The following UBE3A variants were observed in gnomAD, a reference collection of about 807,000 sequenced individuals.
UBE3A encodes ubiquitin protein ligase E3A.
Under a neutral mutation model 83.4 loss-of-function variants are expected in UBE3A, and 6 were observed. The observed-to-expected ratio is 0.07, with a 90% CI of 0.04 to 0.14. UBE3A has a LOEUF of 0.14. Ranked by LOEUF, UBE3A falls within the 10% of genes least tolerant of loss-of-function variation. UBE3A has a pLI of 1.00. For missense variants in UBE3A, 456 were observed against 1,036.1 expected (o/e 0.44, Z 7.69); for synonymous variants, 337 against 355.4 (o/e 0.95, Z 0.58).
At chr15:25,411,128 T>C (rs964275134) in intron 2 of UBE3A, among the ~76,000 whole-genome samples, 10 of 152,338 alleles carry the variant, frequency 6.6e-5, no homozygotes, top group Middle Eastern at 3.4e-3. Flanking sequence ...GCTGGACTTA[T>C]GTCTCTGTTT....
chr15:25,429,287 G>C (rs1285230776), intron 1 of UBE3A, among the ~76,000 whole-genome samples: 1 of 152,106 alleles, frequency 6.6e-6, no homozygotes, highest in African/African-American at 2.4e-5. Context: ...AGTTGGGGTT[G>C]TTAAAAGTGA....
In UBE3A at chr15:25,350,701, T is replaced by TA. The variant is rs571234644; in HGVS notation, c.2354+3651dup. 7.1e-3 allele frequency among the ~76,000 whole-genome samples: 1,050 copies of TA among 148,834 alleles called. 7 individuals carry two copies. Among genetic ancestry groups the TA allele is most frequent in the Non-Finnish European group, 0.012 (820 of 66,890 alleles). The stretch of plus-strand genomic sequence containing the variant: ...AACAATCCAACTGTCCACCAACAGG[T>TA]AAAAAAAAAACACTTTGCGTATTCA... On this transcript the variant is annotated intron_variant, in intron 11 of 12. Coordinates refer to ENST00000648336, the MANE Select transcript of UBE3A (RefSeq NM_130839.5).
chr15:25,405,962 T>A (rs117043893), intron 3 of UBE3A, among the ~76,000 whole-genome samples: 1 of 152,184 alleles, frequency 6.6e-6, no homozygotes, highest in Non-Finnish European at 1.5e-5. Context: ...AGGCCAGCCA[T>A]GTAGTTTTGT....
At chr15:25,381,743 G>GT (rs1374402089) in intron 4 of UBE3A, among the ~76,000 whole-genome samples, 1 of 152,100 alleles carries the variant, frequency 6.6e-6, no homozygotes, top group Non-Finnish European at 1.5e-5. Flanking sequence ...GTTAAAATTT[G>GT]TAAGAGTGAG....
At chr15:25,393,696 G>C (rs1596069331) in intron 4 of UBE3A, 1 of 152,186 alleles carries the variant, frequency 6.6e-6, no homozygotes, top group East Asian at 1.9e-4. Context: ...GCCAGAAACA[G>C]TTCATCCATT....
At chr15:25,397,351 T>C (rs567475747) in intron 4 of UBE3A, among the ~76,000 whole-genome samples, 13 of 152,126 alleles carry the variant, frequency 8.5e-5, no homozygotes, top group Non-Finnish European at 1.6e-4. Context: ...TTGTGACAAA[T>C]AATCATGCCT....
chr15:25,413,663 C>T (rs2090395523), intron 1 of UBE3A, among the ~76,000 whole-genome samples: 1 of 152,120 alleles, frequency 6.6e-6, no homozygotes, highest in Non-Finnish European at 1.5e-5. Context: ...AGTACCATTT[C>T]TTTATCTTCT....
At chr15:25,424,207 G>T (rs1466827073) in intron 1 of UBE3A, among the ~76,000 whole-genome samples, 1 of 151,940 alleles carries the variant, frequency 6.6e-6, no homozygotes, top group Non-Finnish European at 1.5e-5. Flanking sequence ...CTTTTCTAAA[G>T]CTACACTGGC....
chr15:25,341,359 C>A (rs1282119967), intron 11 of UBE3A, among the ~76,000 whole-genome samples: 2 of 151,582 alleles, frequency 1.3e-5, no homozygotes, highest in African/African-American at 4.8e-5. Context: ...GCATGAGCCA[C>A]CGCGCCTGGC....
chr15:25,405,377 T>C, intron 4 of UBE3A, 84 bp downstream of exon 4: 1 of 1,459,700 alleles, frequency 6.9e-7, no homozygotes, highest in Non-Finnish European at 9.6e-7. Context: ...TAACCAGAAA[T>C]TATTTCCAAA....
chr15:25,354,154 AC>A, intron 11 of UBE3A, 198 bp downstream of exon 11: 1 of 623,034 alleles, frequency 1.6e-6, no homozygotes, highest in Non-Finnish European at 2.8e-6. Flanking sequence ...CTTATATATA[AC>A]AACACTTCAT....
chr15:25,349,631 A>G (rs761607416), intron 11 of UBE3A, among the ~76,000 whole-genome samples: 22 of 152,084 alleles, frequency 1.4e-4, no homozygotes, highest in Non-Finnish European at 1.0e-4. Flanking sequence ...CTTCTTCACA[A>G]TTTCATAGAT....
At chr15:25,400,316 C>T in intron 4 of UBE3A, among the ~76,000 whole-genome samples, 1 of 152,192 alleles carries the variant, frequency 6.6e-6, no homozygotes, top group East Asian at 1.9e-4. Context: ...TGCTCAAGTC[C>T]ATTATATAAA....
At chr15:25,414,154 T>C (rs2090468719) in intron 1 of UBE3A, among the ~76,000 whole-genome samples, 1 of 152,164 alleles carries the variant, frequency 6.6e-6, no homozygotes, top group South Asian at 2.1e-4. Flanking sequence ...GTATCTAATA[T>C]CAAACTCAAT....
At chr15:25,356,144 A>C in intron 8 of UBE3A, 88 bp from the exon 9 acceptor site, 1 of 1,483,208 alleles carries the variant, frequency 6.7e-7, no homozygotes, top group East Asian at 2.3e-5. Flanking sequence ...AAGACAACAA[A>C]AATCTTATCA....
intron 7 of UBE3A, among the ~76,000 whole-genome samples, chr15:25,360,049 G>A (rs1444347237): frequency 6.6e-6 from 1 of 152,156 alleles, no homozygotes; most frequent in East Asian, 1.9e-4. Flanking sequence ...CAGGAAAACC[G>A]TGAGTTTGAT....
chr15:25,392,868 T>C (rs993111730), intron 4 of UBE3A, among the ~76,000 whole-genome samples: 1 of 152,088 alleles, frequency 6.6e-6, no homozygotes, highest in Non-Finnish European at 1.5e-5. Context: ...AAGACCTCAA[T>C]AGCCATGATA....
At chr15:25,348,298 C>T (rs944968257) in intron 11 of UBE3A, among the ~76,000 whole-genome samples, 1 of 151,944 alleles carries the variant, frequency 6.6e-6, no homozygotes, top group African/African-American at 2.4e-5. Context: ...GAAGAACATA[C>T]CTAGAAAATA....
intron 1 of UBE3A, among the ~76,000 whole-genome samples, chr15:25,430,661 GA>G (rs1176960857): frequency 6.6e-5 from 10 of 152,004 alleles, no homozygotes; most frequent in Non-Finnish European, 1.5e-5. Flanking sequence ...GAAAGAACTA[GA>G]AAGTAGTTCA....
Sources: gnomAD v4.1 joint callset for allele counts (sites outside exome capture counted in the v4.1 genomes callset) on GRCh38, gnomAD v4.1.1 for gene constraint, MANE v1.5 for transcripts, NCBI Gene and HGNC (gene_info 2026-07-23, HGNC 2026-07-21) for gene names.